The following HDAC8 variants were observed in gnomAD, a reference collection of about 807,000 sequenced individuals.
The protein encoded by HDAC8 is histone deacetylase-like 1.
A neutral mutation model predicts 32.2 loss-of-function variants in HDAC8; 1 was observed. The ratio of observed to expected loss-of-function variants is 0.03; its 90% confidence interval spans 0.01 to 0.15. The LOEUF (loss-of-function observed/expected upper bound fraction) is 0.15. HDAC8 is among the 10% of genes least tolerant of loss of function. The pLI is 1.00. For synonymous variants in HDAC8, 108 were observed against 113.9 expected (o/e 0.95, Z 0.33); for missense variants, 117 against 300.0 (o/e 0.39, Z 4.51).
At chrX:72,478,503 T>G (rs1242188153) in intron 7 of HDAC8, among the ~76,000 whole-genome samples, 1 of 111,461 alleles carries the variant, frequency 9.0e-6, no homozygotes, top group Non-Finnish European at 1.9e-5. Context: ...CACAAACCCC[T>G]TAGCTTCTGG....
chrX:72,463,723 A>C (rs2047930521), intron 8 of HDAC8, among the ~76,000 whole-genome samples: 1 of 111,937 alleles, frequency 8.9e-6, no homozygotes, highest in African/African-American at 3.2e-5. Flanking sequence ...CTTGTGTTGA[A>C]TGCCCACTCA....
intron 9 of HDAC8, among the ~76,000 whole-genome samples, chrX:72,379,898 A>G (rs2045220188): frequency 9.0e-6 from 1 of 110,692 alleles, no homozygotes; most frequent in Non-Finnish European, 1.9e-5. Context: ...TCGTCAGCTA[A>G]TGATTGTACA....
intron 4 of HDAC8, among the ~76,000 whole-genome samples, chrX:72,527,444 G>T (rs1409144761): frequency 9.0e-6 from 1 of 111,430 alleles, no homozygotes; most frequent in Non-Finnish European, 1.9e-5. Context: ...ATTACATTAC[G>T]GTAGAATGCT....
chrX:72,405,996 A>G (rs1245923716), intron 9 of HDAC8, among the ~76,000 whole-genome samples: 1 of 111,364 alleles, frequency 9.0e-6, no homozygotes, highest in African/African-American at 3.3e-5. Flanking sequence ...TTTATATTCC[A>G]TATATAATTT....
intron 9 of HDAC8, among the ~76,000 whole-genome samples, chrX:72,386,382 TG>T (rs1555961434): frequency 9.0e-6 from 1 of 111,156 alleles, no homozygotes; most frequent in East Asian, 2.8e-4. Flanking sequence ...ATGGATGCCT[TG>T]GGGGCATTGG....
chrX:72,367,586 A>T (rs1555954831), intron 9 of HDAC8, among the ~76,000 whole-genome samples: 1 of 112,450 alleles, frequency 8.9e-6, no homozygotes, highest in African/African-American at 3.2e-5. Context: ...AGATGTGGCT[A>T]ATGCTCACCA....
At chrX:72,571,400 T>C (rs1263896129) in intron 2 of HDAC8, among the ~76,000 whole-genome samples, 1 of 110,291 alleles carries the variant, frequency 9.1e-6, no homozygotes, top group Non-Finnish European at 1.9e-5. Flanking sequence ...CAGGTTTTAA[T>C]ACCCAAATGT....
chrX:72,363,829 C>T (rs1431523534), intron 9 of HDAC8, among the ~76,000 whole-genome samples: 1 of 112,378 alleles, frequency 8.9e-6, no homozygotes, highest in East Asian at 2.8e-4. Context: ...CCGCCTTGGC[C>T]TCCCAAAGTG....
intron 7 of HDAC8, among the ~76,000 whole-genome samples, chrX:72,485,926 A>T (rs1295533105): frequency 9.1e-6 from 1 of 109,971 alleles, no homozygotes; most frequent in South Asian, 4.0e-4. Flanking sequence ...TCGAGACCAT[A>T]GTGGCTAACA....
At chrX:72,411,949 C>T (rs1266728443) in intron 9 of HDAC8, among the ~76,000 whole-genome samples, 1 of 111,841 alleles carries the variant, frequency 8.9e-6, no homozygotes, top group Non-Finnish European at 1.9e-5. Context: ...TACATTTATA[C>T]TTTAAGAATT....
At chrX:72,456,053 T>C (rs1397292840) in intron 9 of HDAC8, among the ~76,000 whole-genome samples, 1 of 111,861 alleles carries the variant, frequency 8.9e-6, no homozygotes, top group South Asian at 3.8e-4. Flanking sequence ...CATATCTATG[T>C]GAAGCTGGAT....
In HDAC8 at chrX:72,569,020, T is replaced by C. The variant is rs3817725; in HGVS notation, c.165-136A>G. The stretch of plus-strand genomic sequence containing the variant: ...TTCCAATAGGCTGGAGTAATAAACA[T>C]ATTCTGTTCTTCCACTGCACTGTGC... On this transcript the variant is annotated intron_variant, in intron 2 of 10. Transcript: ENST00000373573. The C allele has an allele frequency of 0.12, 70,547 of 612,046 alleles. 12,798 individuals carry two copies. Among genetic ancestry groups the C allele is most frequent in the East Asian group, 0.69 (18,983 of 27,655 alleles). The allele number at this position is 612,046 out of a possible 1,213,427, so 50.4% of individuals were successfully genotyped here.
Position 72,346,628 on chromosome X carries a change from C to T in HDAC8, c.1111+5105G>A, listed in dbSNP as rs1218639517. ...GTCTCAGATTGGGGCTGTGGAACTG[C>T]AAATGGCAGACTGGGTCTGGTGGCT... On this transcript the variant is annotated intron_variant, in intron 10 of 10. Coordinates refer to ENST00000373573, the MANE Select transcript of HDAC8 (RefSeq NM_018486.3). 2.7e-5 allele frequency among the ~76,000 whole-genome samples: 3 copies of T among 112,018 alleles called. No individual in the cohort carries two copies. In the East Asian group the frequency reaches 8.5e-4, roughly 32 times the overall value.
chrX:72,534,636 G>A (rs1235157939), intron 4 of HDAC8, among the ~76,000 whole-genome samples: 7 of 111,437 alleles, frequency 6.3e-5, no homozygotes, highest in African/African-American at 2.0e-4. Flanking sequence ...CAAAAGAAGT[G>A]CAAGACTTGT....
chrX:72,440,980 G>A (rs2047121104), intron 9 of HDAC8, among the ~76,000 whole-genome samples: 1 of 113,002 alleles, frequency 8.8e-6, no homozygotes, highest in East Asian at 2.8e-4. Context: ...CGAGGCTGAG[G>A]GAGGGGCGCC....
chrX:72,504,918 G>A (rs1356576798), intron 4 of HDAC8, among the ~76,000 whole-genome samples: 1 of 110,933 alleles, frequency 9.0e-6, no homozygotes, highest in Non-Finnish European at 1.9e-5. Flanking sequence ...GTGTGAAGTG[G>A]TATCTACTTG....
intron 4 of HDAC8, among the ~76,000 whole-genome samples, chrX:72,526,705 C>T (rs1556032402): frequency 9.0e-6 from 1 of 111,677 alleles, no homozygotes; most frequent in African/African-American, 3.3e-5. Flanking sequence ...TCAGGTACCT[C>T]GAAGACACCA....
At chrX:72,525,562 C>A (rs1365211601) in intron 4 of HDAC8, among the ~76,000 whole-genome samples, 2 of 110,316 alleles carry the variant, frequency 1.8e-5, no homozygotes, top group African/African-American at 3.3e-5. Context: ...ACAAAAATCC[C>A]TGTCCTCTTG....
chrX:72,427,612 GA>G (rs2046685467), intron 9 of HDAC8, among the ~76,000 whole-genome samples: 1 of 73,533 alleles, frequency 1.4e-5, no homozygotes, highest in African/African-American at 4.4e-5. Context: ...TGGGGGGGGG[GA>G]GGGATAGCAT....
Sources: allele counts gnomAD v4.1 joint callset (sites outside exome capture counted in the v4.1 genomes callset), GRCh38; gene constraint gnomAD v4.1.1; transcripts MANE v1.5; gene names NCBI Gene and HGNC (gene_info 2026-07-23, HGNC 2026-07-21).